MYT1L: variants seen among roughly 807,000 people sequenced by gnomAD.
The protein encoded by MYT1L is myelin transcription factor 1-like protein.
In MYT1L, 12 loss-of-function variants were observed where a neutral mutation model predicts 126.7. That is an observed-to-expected ratio of 0.09 (90% CI 0.06 to 0.15). MYT1L has a LOEUF of 0.15. MYT1L is among the 10% of genes least tolerant of loss of function. The pLI is 1.00. For missense variants in MYT1L, 979 were observed against 1,585.2 expected (o/e 0.62, Z 6.49); for synonymous variants, 541 against 604.2 (o/e 0.90, Z 1.53).
Position 1,864,030 on chromosome 2 carries a change from G to A in MYT1L, c.2712-12327C>T, listed in dbSNP as rs954287979. ...AGCATCACAAGGTGGCTGGATGGGC[G>A]CCTGCCACTGGCCTTCATGCCCCCC... On this transcript the variant is annotated intron_variant, in intron 18 of 24. Coordinates refer to ENST00000647738, the MANE Select transcript of MYT1L (RefSeq NM_001303052.2). 3.9e-5 allele frequency among the ~76,000 whole-genome samples: 6 copies of A among 152,280 alleles called. No individual in the cohort carries two copies. In the South Asian group the frequency reaches 6.2e-4, roughly 16 times the overall value.
intron 9 of MYT1L, among the ~76,000 whole-genome samples, chr2:1,940,931 C>T (rs1463488125): frequency 6.6e-6 from 1 of 152,210 alleles, no homozygotes; most frequent in Non-Finnish European, 1.5e-5. Context: ...GCCAGTCGCT[C>T]CTTTGGCGGT....
chr2:2,242,519 G>C (rs547225842), intron 2 of MYT1L, among the ~76,000 whole-genome samples: 2 of 152,308 alleles, frequency 1.3e-5, no homozygotes, highest in South Asian at 2.1e-4. Flanking sequence ...TGGCACATAA[G>C]AGACGCTCTA....
intron 3 of MYT1L, among the ~76,000 whole-genome samples, chr2:2,154,850 G>C (rs2086461219): frequency 6.6e-6 from 1 of 152,194 alleles, no homozygotes; most frequent in Non-Finnish European, 1.5e-5. Flanking sequence ...AATGCGGCCG[G>C]GTGCAGTGGC....
At chr2:2,257,746 C>T (rs1044305874) in intron 2 of MYT1L, among the ~76,000 whole-genome samples, 1 of 148,014 alleles carries the variant, frequency 6.8e-6, no homozygotes, top group African/African-American at 2.7e-5. Context: ...TAAAAGAGGA[C>T]ACAAACAAAT....
intron 4 of MYT1L, among the ~76,000 whole-genome samples, chr2:2,024,136 C>T (rs2065301535): frequency 6.6e-6 from 1 of 152,162 alleles, no homozygotes; most frequent in African/African-American, 2.4e-5. Context: ...ATTTTATCTA[C>T]CTTCTGCCAC....
At chr2:2,281,033 T>C (rs530917841) in intron 2 of MYT1L, among the ~76,000 whole-genome samples, 3 of 152,302 alleles carry the variant, frequency 2.0e-5, no homozygotes, top group African/African-American at 7.2e-5. Flanking sequence ...CACCCAAATC[T>C]CATCTTGAAT....
At chr2:2,182,498 T>C (rs1476283603) in intron 2 of MYT1L, among the ~76,000 whole-genome samples, 6 of 151,818 alleles carry the variant, frequency 4.0e-5, no homozygotes, top group Non-Finnish European at 8.8e-5. Flanking sequence ...CTCACACCCA[T>C]GTACCCCCCA....
chr2:2,168,127 G>C (rs1404338425), intron 3 of MYT1L, among the ~76,000 whole-genome samples: 1 of 152,184 alleles, frequency 6.6e-6, no homozygotes, highest in East Asian at 1.9e-4. Flanking sequence ...GGATCAGTGT[G>C]TGTAGACCTA....
intron 23 of MYT1L, among the ~76,000 whole-genome samples, chr2:1,797,429 C>G (rs931959965): frequency 6.6e-6 from 1 of 152,194 alleles, no homozygotes; most frequent in Non-Finnish European, 1.5e-5. Flanking sequence ...ACCGTGTTAG[C>G]CAGGATGGTC....
intron 1 of MYT1L, among the ~76,000 whole-genome samples, chr2:2,288,540 A>G (rs1158458229): frequency 6.6e-6 from 1 of 152,252 alleles, no homozygotes; most frequent in East Asian, 1.9e-4. Context: ...TGGTCACAGC[A>G]TGAAAACAAT....
intron 3 of MYT1L, among the ~76,000 whole-genome samples, chr2:2,149,548 T>G (rs2085412267): frequency 6.6e-6 from 1 of 152,208 alleles, no homozygotes; most frequent in African/African-American, 2.4e-5. Flanking sequence ...TTACCAAGTT[T>G]CTGTTCCCTT....
At chr2:2,300,327 CT>C (rs2095763637) in intron 1 of MYT1L, among the ~76,000 whole-genome samples, 1 of 152,286 alleles carries the variant, frequency 6.6e-6, no homozygotes, top group African/African-American at 2.4e-5. Context: ...ACCTAAATAA[CT>C]TTAATATCTT....
chr2:2,016,912 C>G (rs1364373085), intron 4 of MYT1L, among the ~76,000 whole-genome samples: 1 of 152,254 alleles, frequency 6.6e-6, no homozygotes, highest in African/African-American at 2.4e-5. Context: ...ATTTTCTTAG[C>G]ATGAATTTCA....
chr2:1,876,399 G>A (rs1015859991), intron 18 of MYT1L, among the ~76,000 whole-genome samples: 2 of 152,064 alleles, frequency 1.3e-5, no homozygotes, highest in Non-Finnish European at 2.9e-5. Flanking sequence ...TCCGAGTCCA[G>A]CCTGAGAACA....
chr2:1,890,238 T>C (rs2048685079), intron 15 of MYT1L, among the ~76,000 whole-genome samples: 1 of 151,940 alleles, frequency 6.6e-6, no homozygotes. Context: ...CCCAACTAAT[T>C]TTTGTATTTT....
At chr2:2,282,882 C>G (rs2095468800) in intron 2 of MYT1L, among the ~76,000 whole-genome samples, 1 of 152,208 alleles carries the variant, frequency 6.6e-6, no homozygotes, top group African/African-American at 2.4e-5. Flanking sequence ...GGAGACCAGC[C>G]TGGCCAACAT....
At position 1,917,242 on chromosome 2, in the gene MYT1L, C is replaced by T. The variant is rs2052974643; in HGVS notation, c.1581G>A (p.Leu527=). 6.2e-7 allele frequency: 1 copy of T among 1,613,718 alleles called. No homozygotes were observed. Among genetic ancestry groups the T allele is most frequent in the Non-Finnish European group, 8.5e-7 (1 of 1,179,654 alleles). The part of the protein sequence containing the change: ...VTGLYPHHRS[L]SGCPHKDRVP... Reference sequence around the variant, plus strand: ...CCCTATCTTTGTGCGGGCATCCGGACAGGCTGCGGTGATGTGGGTACAGCC... The same window carrying T: ...CCCTATCTTTGTGCGGGCATCCGGATAGGCTGCGGTGATGTGGGTACAGCC... The change falls in exon 11 of 25, where the codon CTG becomes CTA. Residue 527 remains leucine, a synonymous_variant. Coordinates refer to ENST00000647738, the MANE Select transcript of MYT1L (RefSeq NM_001303052.2). The surrounding 1 kb of genome is among the most constrained non-coding windows in gnomAD (Gnocchi z 5.9).
chr2:1,979,628 A>T lies in MYT1L; in HGVS notation c.56-74T>A, dbSNP rs957108291. 1.0e-5 allele frequency: 16 copies of T among 1,601,522 alleles called. No homozygotes were observed. In the African/African-American group the frequency reaches 1.6e-4, roughly 16 times the overall value. On this transcript the variant is annotated intron_variant, in intron 6 of 24. Coordinates refer to ENST00000647738, the MANE Select transcript of MYT1L (RefSeq NM_001303052.2). This position sits in a 1 kb window ranked among gnomAD's most constrained non-coding sequence, Gnocchi z 4.0. ...CCCTCTTCCACAGAAAATTACCAAA[A>T]GGGTGGCATGAAAGTGGGGTCAGAA...
chr2:1,886,524 G>T lies in MYT1L; in HGVS notation c.2711+15C>A. ...CATGGATTTTTAAAAGAGAATTATT[G>T]TCATTAAATCTTACTTGAGTTCTTG... On this transcript the variant is annotated intron_variant, in intron 18 of 24. Coordinates refer to ENST00000647738, the MANE Select transcript of MYT1L (RefSeq NM_001303052.2). The T allele has an allele frequency of 6.5e-7, 1 of 1,545,320 alleles. No individual in the cohort carries two copies. The highest frequency in any genetic ancestry group is 2.4e-5 in the East Asian group (1 of 41,524).
Sources: gnomAD v4.1 joint callset for allele counts (sites outside exome capture counted in the v4.1 genomes callset) on GRCh38, gnomAD v4.1.1 for gene constraint, Gnocchi (gnomAD v3.1) non-coding constraint, MANE v1.5 for transcripts, NCBI Gene and HGNC (gene_info 2026-07-23, HGNC 2026-07-21) for gene names.